SLC9A9: variants seen among roughly 807,000 people sequenced by gnomAD.
The protein encoded by SLC9A9 is solute carrier family 9 member A9.
Under a neutral mutation model 77.8 loss-of-function variants are expected in SLC9A9, and 62 were observed. The ratio of observed to expected loss-of-function variants is 0.80; its 90% CI spans 0.65 to 0.98. The LOEUF (loss-of-function observed/expected upper bound fraction) is 0.98, where lower values mean the gene tolerates loss of function less well. Among genes scored for constraint, SLC9A9 ranks in the 50% least tolerant of loss-of-function variants. SLC9A9 has a pLI of 0.00. For synonymous variants in SLC9A9, 320 were observed against 283.5 expected (o/e 1.13, Z -1.29); for missense variants, 775 against 774.9 (o/e 1.00, Z 0.00).
intron 6 of SLC9A9, among the ~76,000 whole-genome samples, chr3:143,637,030 T>G (rs2038534611): frequency 6.6e-6 from 1 of 152,152 alleles, no homozygotes. Flanking sequence ...GAAGTGACAG[T>G]TTCTCCAGAT....
At chr3:143,322,716 G>T (rs1236237751) in intron 14 of SLC9A9, among the ~76,000 whole-genome samples, 1 of 152,098 alleles carries the variant, frequency 6.6e-6, no homozygotes, top group Non-Finnish European at 1.5e-5. Flanking sequence ...GAATATTTCT[G>T]GTGTATTAAC....
At chr3:143,329,354 C>A (rs1190111439) in intron 14 of SLC9A9, among the ~76,000 whole-genome samples, 1 of 152,130 alleles carries the variant, frequency 6.6e-6, no homozygotes, top group Non-Finnish European at 1.5e-5. Context: ...CTTAGTAGAA[C>A]AACATGGCCA....
chr3:143,401,349 A>T (rs897595177), intron 12 of SLC9A9, among the ~76,000 whole-genome samples: 1 of 152,140 alleles, frequency 6.6e-6, no homozygotes. Context: ...CATTGATTCC[A>T]GTCCTGGGGT....
At chr3:143,770,718 A>G (rs2007487661) in intron 4 of SLC9A9, among the ~76,000 whole-genome samples, 1 of 152,214 alleles carries the variant, frequency 6.6e-6, no homozygotes, top group Non-Finnish European at 1.5e-5. Context: ...CAGTTATATG[A>G]AAGAAAATAT....
At chr3:143,389,697 C>T (rs1291052680) in intron 12 of SLC9A9, among the ~76,000 whole-genome samples, 1 of 152,140 alleles carries the variant, frequency 6.6e-6, no homozygotes, top group Non-Finnish European at 1.5e-5. Flanking sequence ...TGTCTAGTTG[C>T]TTGTCTGAAG....
intron 14 of SLC9A9, among the ~76,000 whole-genome samples, chr3:143,343,787 C>A (rs746583819): frequency 6.6e-6 from 1 of 152,104 alleles, no homozygotes; most frequent in Non-Finnish European, 1.5e-5. Context: ...AGGAGTTTCC[C>A]AACAAGGAGT....
At chr3:143,687,208 A>T (rs187699080) in intron 5 of SLC9A9, among the ~76,000 whole-genome samples, 3 of 152,314 alleles carry the variant, frequency 2.0e-5, no homozygotes, top group African/African-American at 7.2e-5. Flanking sequence ...TGTATCCATA[A>T]AAGATGAATA....
At chr3:143,690,120 A>G (rs1933412455) in intron 5 of SLC9A9, among the ~76,000 whole-genome samples, 1 of 152,076 alleles carries the variant, frequency 6.6e-6, no homozygotes, top group South Asian at 2.1e-4. Flanking sequence ...AAGGCTAAAA[A>G]TAACCACAAT....
intron 11 of SLC9A9, among the ~76,000 whole-genome samples, chr3:143,491,161 A>G (rs1184408717): frequency 2.6e-5 from 4 of 152,200 alleles, no homozygotes; most frequent in Non-Finnish European, 4.4e-5. Context: ...ACTGGGTCGC[A>G]TTCTCTGGAC....
At chr3:143,634,058 G>A (rs1004419531) in intron 6 of SLC9A9, among the ~76,000 whole-genome samples, 3 of 152,100 alleles carry the variant, frequency 2.0e-5, no homozygotes, top group African/African-American at 7.3e-5. Flanking sequence ...GAAATTGAAT[G>A]TCACTGTGGT....
chr3:143,708,137 G>A (rs954879361), intron 4 of SLC9A9, among the ~76,000 whole-genome samples: 2 of 151,618 alleles, frequency 1.3e-5, no homozygotes, highest in African/African-American at 2.4e-5. Flanking sequence ...TGCAGTGGGA[G>A]GTAGAGATCT....
intron 15 of SLC9A9, among the ~76,000 whole-genome samples, chr3:143,267,568 G>T (rs984251646): frequency 6.6e-6 from 1 of 151,962 alleles, no homozygotes; most frequent in Non-Finnish European, 1.5e-5. Context: ...GGTCAGGCTG[G>T]TCTTGAACTC....
chr3:143,312,472 G>C (rs1401041901), intron 14 of SLC9A9, among the ~76,000 whole-genome samples: 1 of 152,268 alleles, frequency 6.6e-6, no homozygotes, highest in African/African-American at 2.4e-5. Flanking sequence ...ACATACGCCA[G>C]AGCAGTGGGC....
At chr3:143,564,194 A>C (rs2037131929) in intron 8 of SLC9A9, among the ~76,000 whole-genome samples, 1 of 152,192 alleles carries the variant, frequency 6.6e-6, no homozygotes, top group Non-Finnish European at 1.5e-5. Context: ...TTTCTTATTC[A>C]AGAGTATGTC....
chr3:143,484,431 G>C (rs2035623799), intron 11 of SLC9A9, among the ~76,000 whole-genome samples: 1 of 152,148 alleles, frequency 6.6e-6, no homozygotes, highest in African/African-American at 2.4e-5. Context: ...GTAATGTATA[G>C]CTATCAGAAT....
chr3:143,645,920 C>T (rs2038699499), intron 6 of SLC9A9, among the ~76,000 whole-genome samples: 1 of 152,048 alleles, frequency 6.6e-6, no homozygotes, highest in African/African-American at 2.4e-5. Context: ...AACCTGGAGG[C>T]ATTTGCACAC....
intron 6 of SLC9A9, among the ~76,000 whole-genome samples, chr3:143,629,821 G>A (rs1001717816): frequency 3.3e-5 from 5 of 152,126 alleles, no homozygotes; most frequent in Non-Finnish European, 7.3e-5. Context: ...CACTCAACAA[G>A]TGTTTATTAA....
intron 4 of SLC9A9, among the ~76,000 whole-genome samples, chr3:143,704,462 A>C (rs867124934): frequency 6.6e-6 from 1 of 152,224 alleles, no homozygotes; most frequent in African/African-American, 2.4e-5. Context: ...AGAATAAAGA[A>C]CAAAAACCAT....
chr3:143,629,154 C>T (rs998488003), intron 6 of SLC9A9, among the ~76,000 whole-genome samples: 12 of 152,120 alleles, frequency 7.9e-5, no homozygotes, highest in African/African-American at 2.2e-4. Context: ...AGTAACCACA[C>T]GGGGGAACCA....
Sources: allele counts gnomAD v4.1 joint callset (sites outside exome capture counted in the v4.1 genomes callset), GRCh38; gene constraint gnomAD v4.1.1; transcripts MANE v1.5; gene names NCBI Gene and HGNC (gene_info 2026-07-23, HGNC 2026-07-21).